Variants in TOP1 observed in about 807,000 individuals in gnomAD.
The protein encoded by TOP1 is DNA topoisomerase 1.
TOP1 carries 10 observed loss-of-function variants against 111.1 expected under a neutral mutation model. That is an observed-to-expected ratio of 0.09 (90% CI 0.06 to 0.15). The LOEUF is 0.15. Ranked by LOEUF, TOP1 falls within the 10% of genes least tolerant of loss-of-function variation. The probability of loss-of-function intolerance (pLI) is 1.00; values close to 1 mark genes in which losing one functional copy is unlikely to be tolerated. For synonymous variants in TOP1, 271 were observed against 302.9 expected (o/e 0.89, Z 1.10); for missense variants, 474 against 926.7 (o/e 0.51, Z 6.34).
intron 2 of TOP1, among the ~76,000 whole-genome samples, chr20:41,048,300 A>G (rs2122605872): frequency 6.6e-6 from 1 of 152,334 alleles, no homozygotes; most frequent in South Asian, 2.1e-4. Context: ...ATGGTTCTGG[A>G]CAGTGGATTA....
At chr20:41,081,140 T>C in intron 6 of TOP1, 25 bp from the exon 7 acceptor site, 1 of 1,576,322 alleles carries the variant, frequency 6.3e-7, no homozygotes, top group Non-Finnish European at 8.6e-7. Flanking sequence ...TTATGTTAAC[T>C]GTGTATTCAT....
intron 2 of TOP1, among the ~76,000 whole-genome samples, chr20:41,037,225 T>G (rs2033200630): frequency 6.6e-6 from 1 of 152,234 alleles, no homozygotes; most frequent in South Asian, 2.1e-4. Context: ...GAAAGAAGTC[T>G]ATTGATGTGA....
chr20:41,076,861 C>T (rs73909139), intron 4 of TOP1, among the ~76,000 whole-genome samples: 3,440 of 152,272 alleles, frequency 0.023, 117 homozygotes, highest in African/African-American at 0.078. Context: ...CTCACTGTCT[C>T]CCATCCTTCT....
At chr20:41,072,917 T>C in intron 3 of TOP1, 1 of 985,482 alleles carries the variant, frequency 1.0e-6, no homozygotes, top group Non-Finnish European at 1.2e-6. Flanking sequence ...GAGACTTGGC[T>C]TCCTTTGGAA....
chr20:41,050,597 G>A (rs545469322), intron 2 of TOP1, among the ~76,000 whole-genome samples: 1 of 152,226 alleles, frequency 6.6e-6, no homozygotes, highest in African/African-American at 2.4e-5. Flanking sequence ...GACCAACGTT[G>A]GTATAGTCTG....
chr20:41,070,436 A>T (rs1170024120), intron 3 of TOP1, among the ~76,000 whole-genome samples: 1 of 152,226 alleles, frequency 6.6e-6, no homozygotes, highest in Non-Finnish European at 1.5e-5. Flanking sequence ...TCGGCATTGT[A>T]GTGTGTAATG....
At position 41,050,210 on chromosome 20, in the gene TOP1, C is replaced by T. The variant is rs182213973; in HGVS notation, c.59-11184C>T. 5.9e-5 allele frequency among the ~76,000 whole-genome samples: 9 copies of T among 152,228 alleles called. No homozygotes were observed. In the East Asian group the frequency reaches 1.7e-3, roughly 29 times the overall value. ...TTTTGTATTTTTTAGTAGAGATGGGCTTTCACCGTGTTGGTCAGGCTGGTC... is the reference window on the plus strand; with the variant it reads ...TTTTGTATTTTTTAGTAGAGATGGGTTTTCACCGTGTTGGTCAGGCTGGTC... On this transcript the variant is annotated intron_variant, in intron 2 of 20. Transcript: ENST00000361337.
Position 41,095,677 on chromosome 20 carries a change from G to A in TOP1, c.731-1543G>A, listed in dbSNP as rs937541321. On this transcript the variant is annotated intron_variant, in intron 9 of 20. Coordinates refer to ENST00000361337, the MANE Select transcript of TOP1 (RefSeq NM_003286.4). This position sits in a 1 kb window ranked among gnomAD's most constrained non-coding sequence, Gnocchi z 4.6. ...AAAGTCAGATTGCATATCATTATGA[G>A]ATAAGATGTCTTCTGAGTTTTGAAA... Among the ~76,000 whole-genome samples the A allele has an allele frequency of 2.0e-5, 3 of 152,226 alleles. No homozygotes were observed. Among genetic ancestry groups the A allele is most frequent in the Non-Finnish European group, 4.4e-5 (3 of 68,036 alleles).
rs369687028 is a variant in TOP1, at chr20:41,112,248, A to G, written c.1309-534A>G. ...AATGGAATTCACTTAGATTTAATGG[A>G]ATTCAGTCCTGGTAGAAAACTGCTA... is the stretch of plus-strand genomic sequence containing the variant. On this transcript the variant is annotated intron_variant, in intron 13 of 20. Coordinates refer to ENST00000361337, the MANE Select transcript of TOP1 (RefSeq NM_003286.4). This position sits in a 1 kb window ranked among gnomAD's most constrained non-coding sequence, Gnocchi z 5.8. 2.6e-5 allele frequency among the ~76,000 whole-genome samples: 4 copies of G among 152,298 alleles called. No homozygotes were observed. In the South Asian group the frequency reaches 6.2e-4, roughly 24 times the overall value.
Position 41,065,542 on chromosome 20 carries a change from C to T in TOP1, c.155+4052C>T, listed in dbSNP as rs191632281. Among the ~76,000 whole-genome samples, 9 of 152,276 alleles carry T rather than the reference C, an allele frequency of 5.9e-5. No individual in the cohort carries two copies. In the East Asian group the frequency reaches 1.7e-3, roughly 29 times the overall value. ...TTGAATTCACTAAATAATAACTTTTCATTCTGTTCCCCTGTCCCAATATCT... is the reference window on the plus strand; with the variant it reads ...TTGAATTCACTAAATAATAACTTTTTATTCTGTTCCCCTGTCCCAATATCT... On this transcript the variant is annotated intron_variant, in intron 3 of 20. Transcript: ENST00000361337.
chr20:41,072,250 A>G, intron 3 of TOP1: 2 of 985,272 alleles, frequency 2.0e-6, no homozygotes, highest in Non-Finnish European at 2.4e-6. Context: ...TATTGTGTCT[A>G]TTGTGTATGG....
chr20:41,044,292 G>C (rs2033304955), intron 2 of TOP1, among the ~76,000 whole-genome samples: 1 of 152,088 alleles, frequency 6.6e-6, no homozygotes, highest in East Asian at 1.9e-4. Context: ...AAGAAAAAAA[G>C]AAATGCAATT....
At chr20:41,099,501 C>T (rs1157608132) in intron 11 of TOP1, among the ~76,000 whole-genome samples, 3 of 152,112 alleles carry the variant, frequency 2.0e-5, no homozygotes, top group African/African-American at 4.8e-5. Flanking sequence ...GTATATAAAA[C>T]GCAGAGTCAA....
chr20:41,111,631 C>G (rs530706918), intron 13 of TOP1, among the ~76,000 whole-genome samples: 1 of 118,782 alleles, frequency 8.4e-6, no homozygotes, highest in South Asian at 3.1e-4. Flanking sequence ...GGGTCATGCT[C>G]TGTTGCCCAG....
rs1600547952 is a variant in TOP1 at position 41,030,862 on chromosome 20, G to A, written c.58+1407G>A. Among the ~76,000 whole-genome samples the A allele has an allele frequency of 6.6e-6, 1 of 152,296 alleles. No individual in the cohort carries two copies. Among genetic ancestry groups the A allele is most frequent in the South Asian group, 2.1e-4 (1 of 4,828 alleles). On this transcript the variant is annotated intron_variant, in intron 2 of 20. Transcript: ENST00000361337. This position sits in a 1 kb window ranked among gnomAD's most constrained non-coding sequence, Gnocchi z 4.1. ...ATGGTACTCAGCCAGGAGAGAATCT[G>A]GTTTAAAGTATGGCATTTCTTGAGC...
Position 41,098,454 on chromosome 20 carries a change from C to A in TOP1, c.975+117C>A. The A allele has an allele frequency of 8.5e-7, 1 of 1,175,874 alleles. No individual in the cohort carries two copies. Among genetic ancestry groups the A allele is most frequent in the Non-Finnish European group, 1.2e-6 (1 of 837,378 alleles). 72.8% of individuals were successfully genotyped at this position (1,175,874 alleles called of 1,614,324 possible). A position where few individuals can be genotyped will look rare whatever the true frequency, so the allele number is the denominator to read the frequency against. ...ATCAGTAATTTCACATCATTCTATG[C>A]TAAAGACTTAGAGTTCTCAAAGTCT... On this transcript the variant is annotated intron_variant, in intron 11 of 20. Transcript: ENST00000361337. This position sits in a 1 kb window ranked among gnomAD's most constrained non-coding sequence, Gnocchi z 5.7.
At position 41,121,998 on chromosome 20, in the gene TOP1, T is replaced by C. The variant is rs2034431831; in HGVS notation, c.2046-8T>C. ...GCCTGGTTCTTGAGGACTTTGCTAT[T>C]CTTCTAGGGTAGTAGAGTCAAAGAA... On this transcript the variant is annotated splice_polypyrimidine_tract_variant and splice_region_variant and intron_variant, in intron 19 of 20. Coordinates refer to ENST00000361337, the MANE Select transcript of TOP1 (RefSeq NM_003286.4). This position sits in a 1 kb window ranked among gnomAD's most constrained non-coding sequence, Gnocchi z 4.2. 6.2e-7 allele frequency: 1 copy of C among 1,613,640 alleles called. No individual in the cohort carries two copies. Among genetic ancestry groups the C allele is most frequent in the East Asian group, 2.2e-5 (1 of 44,890 alleles).
Position 41,059,499 on chromosome 20 carries a change from C to G in TOP1, c.59-1895C>G, listed in dbSNP as rs565140329. On this transcript the variant is annotated intron_variant, in intron 2 of 20. Transcript: ENST00000361337. ...TATGCCCTTGTAATCCCAGCCATTC[C>G]AAGGGCTGTGGCAGGAGGATTGCTT... Among the ~76,000 whole-genome samples, 26 of 151,466 alleles carry G rather than the reference C, an allele frequency of 1.7e-4. No individual in the cohort carries two copies. In the South Asian group the frequency reaches 5.0e-3, roughly 29 times the overall value.
At chr20:41,042,505 A>G (rs138677652) in intron 2 of TOP1, among the ~76,000 whole-genome samples, 14 of 152,346 alleles carry the variant, frequency 9.2e-5, no homozygotes, top group African/African-American at 3.4e-4. Flanking sequence ...TTAAATCAGG[A>G]CTTTAGAAAG....
Sources: allele counts gnomAD v4.1 joint callset (sites outside exome capture counted in the v4.1 genomes callset), GRCh38; gene constraint gnomAD v4.1.1; non-coding constraint Gnocchi (gnomAD v3.1); transcripts MANE v1.5; gene names NCBI Gene and HGNC (gene_info 2026-07-23, HGNC 2026-07-21).